SLC39A11: variants seen among roughly 807,000 people sequenced by gnomAD.
SLC39A11 encodes zinc transporter ZIP11.
Under a neutral mutation model 36.1 loss-of-function variants are expected in SLC39A11, and 33 were observed. The ratio of observed to expected loss-of-function variants is 0.91; its 90% CI spans 0.69 to 1.22. The LOEUF (loss-of-function observed/expected upper bound fraction) is 1.22. Among genes scored for constraint, SLC39A11 ranks in the 50% most tolerant of loss-of-function variants. The pLI is 0.00. For missense variants in SLC39A11, 432 were observed against 430.3 expected, an observed-to-expected ratio of 1.00 and a Z score of -0.03; for synonymous variants, 166 against 170.3, an observed-to-expected ratio of 0.97 and a Z score of 0.20.
At chr17:73,019,432 A>G (rs1451211960) in intron 4 of SLC39A11, among the ~76,000 whole-genome samples, 1 of 152,222 alleles carries the variant, frequency 6.6e-6, no homozygotes, top group African/African-American at 2.4e-5. Flanking sequence ...CCAAAGAGGG[A>G]TAAATAGATG....
intron 7 of SLC39A11, among the ~76,000 whole-genome samples, chr17:72,701,247 G>A (rs1208861004): frequency 6.6e-6 from 1 of 152,232 alleles, no homozygotes; most frequent in South Asian, 2.1e-4. Context: ...AGAGGGAGGT[G>A]TGGAGGAAGC....
At chr17:73,069,103 G>T (rs2060083935) in intron 3 of SLC39A11, among the ~76,000 whole-genome samples, 2 of 152,018 alleles carry the variant, frequency 1.3e-5, no homozygotes, top group Admixed American at 6.6e-5. Context: ...CCCTCTGCCT[G>T]TAACGCATTT....
chr17:72,966,983 C>A (rs976822874), intron 4 of SLC39A11, among the ~76,000 whole-genome samples: 9 of 152,186 alleles, frequency 5.9e-5, no homozygotes, highest in Admixed American at 1.3e-4. Flanking sequence ...CTATTGTGAA[C>A]TGTGCATGCA....
At chr17:72,831,026 A>G (rs1307342842) in intron 6 of SLC39A11, among the ~76,000 whole-genome samples, 1 of 152,180 alleles carries the variant, frequency 6.6e-6, no homozygotes. Context: ...AAAAATGAGG[A>G]GCCTGGAGGA....
intron 6 of SLC39A11, among the ~76,000 whole-genome samples, chr17:72,779,260 A>T: frequency 6.6e-6 from 1 of 152,078 alleles, no homozygotes; most frequent in Middle Eastern, 3.2e-3. Flanking sequence ...CCTGGCCAAC[A>T]TGGTGAAACC....
In SLC39A11 at chr17:73,086,948, C is replaced by T. The variant is rs551213999; in HGVS notation, c.108+1709G>A. Among the ~76,000 whole-genome samples, 17 of 151,596 alleles carry T rather than the reference C, an allele frequency of 1.1e-4. No individual in the cohort carries two copies. In the East Asian group the frequency reaches 1.2e-3, roughly 10 times the overall value. On this transcript the variant is annotated intron_variant, in intron 2 of 9. Coordinates refer to ENST00000255559, the MANE Select transcript of SLC39A11 (RefSeq NM_139177.4). ...GTGTATGCATGTAATCCCAGCTACTCGGGAGGCTGAGGCAGAAGAACCTTT... is the reference window on the plus strand; with the variant it reads ...GTGTATGCATGTAATCCCAGCTACTTGGGAGGCTGAGGCAGAAGAACCTTT...
At chr17:72,795,428 AAG>A (rs551804748) in intron 6 of SLC39A11, among the ~76,000 whole-genome samples, 2 of 151,854 alleles carry the variant, frequency 1.3e-5, no homozygotes, top group East Asian at 1.9e-4. Context: ...ATGACAGAGA[AAG>A]AGAGAGAGAG....
chr17:72,754,051 T>TACACACACAC (rs58802713), intron 6 of SLC39A11, among the ~76,000 whole-genome samples: 14 of 108,062 alleles, frequency 1.3e-4, no homozygotes, highest in Non-Finnish European at 2.1e-4. Context: ...TATATACACA[T>TACACACACAC]ACACACACAC....
intron 9 of SLC39A11, among the ~76,000 whole-genome samples, chr17:72,648,499 C>T (rs973648849): frequency 6.6e-5 from 10 of 151,992 alleles, no homozygotes; most frequent in South Asian, 2.1e-4. Flanking sequence ...CATTCCAGCC[C>T]GAGAATCGAG....
chr17:72,820,844 C>T (rs931999627), intron 6 of SLC39A11, among the ~76,000 whole-genome samples: 2 of 151,210 alleles, frequency 1.3e-5, no homozygotes, highest in African/African-American at 2.4e-5. Flanking sequence ...GATGGGGGTA[C>T]AGCTGCCTCC....
chr17:72,685,751 C>T (rs2071716719), intron 7 of SLC39A11, among the ~76,000 whole-genome samples: 2 of 152,138 alleles, frequency 1.3e-5, no homozygotes, highest in African/African-American at 2.4e-5. Flanking sequence ...GATCTATCCA[C>T]AGGTGGGCTG....
intron 7 of SLC39A11, among the ~76,000 whole-genome samples, chr17:72,733,627 A>G (rs930736826): frequency 1.3e-5 from 2 of 152,120 alleles, no homozygotes; most frequent in Admixed American, 6.5e-5. Flanking sequence ...GCCTTATTCA[A>G]TGCTGAGGAC....
intron 4 of SLC39A11, among the ~76,000 whole-genome samples, chr17:72,953,009 C>T (rs772192565): frequency 6.6e-6 from 1 of 152,128 alleles, no homozygotes. Context: ...TGCAAGGTCA[C>T]CCCCTCTCCT....
chr17:72,769,052 G>A (rs576081191), intron 6 of SLC39A11, among the ~76,000 whole-genome samples: 11 of 152,228 alleles, frequency 7.2e-5, no homozygotes, highest in East Asian at 3.9e-4. Flanking sequence ...GAGCCACTGC[G>A]CCCAGCCAAC....
intron 4 of SLC39A11, among the ~76,000 whole-genome samples, chr17:72,979,418 C>G (rs892299363): frequency 4.6e-5 from 7 of 152,090 alleles, no homozygotes; most frequent in African/African-American, 7.2e-5. Flanking sequence ...CTGAGAGGAA[C>G]CTGGACTCCG....
At position 72,664,574 on chromosome 17, in the gene SLC39A11, T is replaced by G. The variant is rs558258254; in HGVS notation, c.672-15306A>C. Among the ~76,000 whole-genome samples the G allele has an allele frequency of 6.6e-5, 10 of 152,346 alleles. No homozygotes were observed. In the South Asian group the frequency reaches 1.7e-3, roughly 25 times the overall value. On this transcript the variant is annotated intron_variant, in intron 7 of 9. Transcript: ENST00000255559. ...TAAGGTGCAAGCCTCCATCATGTCC[T>G]TCCTGGGCTACAGTAACAGCCTCCT...
chr17:73,061,363 GA>G (rs1431589178), intron 3 of SLC39A11, among the ~76,000 whole-genome samples: 2 of 150,998 alleles, frequency 1.3e-5, no homozygotes, highest in South Asian at 2.1e-4. Flanking sequence ...CTGTCTCAAG[GA>G]AAAAAAAATT....
intron 5 of SLC39A11, among the ~76,000 whole-genome samples, chr17:72,943,832 T>C (rs2085264243): frequency 6.6e-6 from 1 of 152,234 alleles, no homozygotes; most frequent in African/African-American, 2.4e-5. Flanking sequence ...GGTTCAACTT[T>C]TATGTAACAA....
At chr17:72,943,297 C>A (rs1245686640) in intron 5 of SLC39A11, among the ~76,000 whole-genome samples, 1 of 152,180 alleles carries the variant, frequency 6.6e-6, no homozygotes, top group Non-Finnish European at 1.5e-5. Flanking sequence ...AGAAGCAGAA[C>A]CAATAAGGAA....
Sources: allele counts gnomAD v4.1 joint callset (sites outside exome capture counted in the v4.1 genomes callset), GRCh38; gene constraint gnomAD v4.1.1; transcripts MANE v1.5; gene names NCBI Gene and HGNC (gene_info 2026-07-23, HGNC 2026-07-21).